RAB6B: variants seen among roughly 807,000 people sequenced by gnomAD.
RAB6B encodes the protein RAB6B, member RAS oncogene family.
RAB6B carries 7 observed loss-of-function variants against 31.2 expected under a neutral mutation model. The ratio of observed to expected loss-of-function variants is 0.22; its 90% CI spans 0.13 to 0.42. The LOEUF (loss-of-function observed/expected upper bound fraction) is 0.42. RAB6B is among the 10% of genes least tolerant of loss of function. The pLI is 1.00. For synonymous variants in RAB6B, 105 were observed against 104.9 expected (o/e 1.00, Z -0.01); for missense variants, 149 against 280.6 (o/e 0.53, Z 3.35).
intron 1 of RAB6B, among the ~76,000 whole-genome samples, chr3:133,880,703 G>A (rs576218508): frequency 6.6e-6 from 1 of 152,216 alleles, no homozygotes; most frequent in East Asian, 1.9e-4. Context: ...GCTCGCTGCT[G>A]CTCAACTTTT....
At chr3:133,838,059 A>G (rs1935767036) in intron 6 of RAB6B, 107 bp downstream of exon 6, 9 of 1,189,266 alleles carry the variant, frequency 7.6e-6, no homozygotes, top group South Asian at 1.3e-5. Flanking sequence ...GGCTGCCCCA[A>G]TCCCATCACC....
rs781534214 is a variant in RAB6B at position 133,827,269 on chromosome 3, A to G, written c.*1519T>C. The G allele has an allele frequency of 1.3e-5, 2 of 152,250 alleles. No individual in the cohort carries two copies. Among genetic ancestry groups the G allele is most frequent in the African/African-American group, 2.4e-5 (1 of 41,456 alleles). The allele number at this position is 152,250 out of a possible 1,614,324, so 9.4% of individuals were successfully genotyped here. On this transcript the variant is annotated 3_prime_UTR_variant, in exon 8 of 8. Coordinates refer to ENST00000285208, the MANE Select transcript of RAB6B (RefSeq NM_016577.4). ...CCCCAGATGGTCATTCATCCCATCT[A>G]TGACATGCCCAGCAGCAGCCTGGAG...
chr3:133,860,072 C>T (rs1442045246), intron 2 of RAB6B, among the ~76,000 whole-genome samples: 1 of 152,070 alleles, frequency 6.6e-6, no homozygotes, highest in African/African-American at 2.4e-5. Context: ...TGCGGAGGTG[C>T]CCAAGCTGAG....
At chr3:133,860,916 C>CTAA (rs1936152292) in intron 2 of RAB6B, among the ~76,000 whole-genome samples, 1 of 152,192 alleles carries the variant, frequency 6.6e-6, no homozygotes, top group Non-Finnish European at 1.5e-5. Flanking sequence ...TTTAAGCATG[C>CTAA]TAATACCCGA....
intron 2 of RAB6B, among the ~76,000 whole-genome samples, chr3:133,847,229 C>T (rs1169925003): frequency 6.6e-6 from 1 of 152,212 alleles, no homozygotes; most frequent in Non-Finnish European, 1.5e-5. Context: ...TGTGTCACTG[C>T]TAAGAAAATG....
At chr3:133,860,788 G>T (rs981316230) in intron 2 of RAB6B, among the ~76,000 whole-genome samples, 10 of 152,356 alleles carry the variant, frequency 6.6e-5, no homozygotes, top group African/African-American at 2.4e-4. Flanking sequence ...AGCTCTGGCA[G>T]GCCAGGGACC....
chr3:133,893,370 T>C (rs1414964767), intron 1 of RAB6B, among the ~76,000 whole-genome samples: 1 of 152,208 alleles, frequency 6.6e-6, no homozygotes, highest in East Asian at 1.9e-4. Context: ...CCCTGTTCCC[T>C]GGGGCTCAGA....
At position 133,824,349 on chromosome 3, in the gene RAB6B, A is replaced by AGAT. The variant is rs1194220202; in HGVS notation, c.*4436_*4438dup. 2 of 152,206 alleles carry AGAT rather than the reference A, an allele frequency of 1.3e-5. No homozygotes were observed. Among genetic ancestry groups the AGAT allele is most frequent in the South Asian group, 4.1e-4 (2 of 4,836 alleles). The allele number at this position is 152,206 out of a possible 1,614,324, so 9.4% of individuals were successfully genotyped here. ...CGGCTATGTCTTCTGAGCCCATAAC[A>AGAT]GATGGAATTGCCACCCTCTGTGCTC... On this transcript the variant is annotated 3_prime_UTR_variant, in exon 8 of 8. Coordinates refer to ENST00000285208, the MANE Select transcript of RAB6B (RefSeq NM_016577.4).
At chr3:133,865,251 G>T (rs980134727) in intron 1 of RAB6B, among the ~76,000 whole-genome samples, 1 of 152,224 alleles carries the variant, frequency 6.6e-6, no homozygotes, top group Non-Finnish European at 1.5e-5. Context: ...ATGCCAGGAG[G>T]ATCCCCAGTC....
intron 2 of RAB6B, among the ~76,000 whole-genome samples, chr3:133,857,404 A>C (rs1936096874): frequency 1.3e-5 from 2 of 148,564 alleles, no homozygotes; most frequent in African/African-American, 5.0e-5. Context: ...CTGGGGCTTA[A>C]ACCTAGGCCT....
In RAB6B at chr3:133,834,652, G is replaced by A; in HGVS notation, c.496-11C>T. The A allele has an allele frequency of 1.2e-6, 2 of 1,613,746 alleles. No homozygotes were observed. Among genetic ancestry groups the A allele is most frequent in the African/African-American group, 1.3e-5 (1 of 75,054 alleles). ...CACACGTCGAAAAAGCTGGAAAGAT[G>A]AAGAAATGCAGTGTGAACCCCAACC... On this transcript the variant is annotated splice_polypyrimidine_tract_variant and intron_variant, in intron 6 of 7. Transcript: ENST00000285208.
chr3:133,856,639 C>T (rs572519936), intron 2 of RAB6B, among the ~76,000 whole-genome samples: 5 of 152,312 alleles, frequency 3.3e-5, no homozygotes, highest in African/African-American at 7.2e-5. Flanking sequence ...GCTCCTGATA[C>T]ATTTAATGAG....
chr3:133,866,143 A>G (rs1936233779), intron 1 of RAB6B, among the ~76,000 whole-genome samples: 1 of 152,216 alleles, frequency 6.6e-6, no homozygotes, highest in Non-Finnish European at 1.5e-5. Context: ...GAAATGCTTA[A>G]AAGTGGAAGG....
intron 1 of RAB6B, 46 bp downstream of exon 1, chr3:133,895,351 G>T: frequency 6.3e-7 from 1 of 1,588,644 alleles, no homozygotes. Context: ...ATTGGGCGGC[G>T]GGGGTCGACT....
chr3:133,831,551 TCTCATTTAATGACA>T (rs1449983509), intron 7 of RAB6B, among the ~76,000 whole-genome samples: 6 of 152,190 alleles, frequency 3.9e-5, no homozygotes, highest in African/African-American at 1.4e-4. Flanking sequence ...TCCCAAAGGC[TCTCATTTAATGACA>T]CCTCCTTCCT....
In RAB6B at chr3:133,825,861, A is replaced by G. The variant is rs1935553695; in HGVS notation, c.*2927T>C. 6.6e-6 allele frequency: 1 copy of G among 152,230 alleles called. No individual in the cohort carries two copies. The highest frequency in any genetic ancestry group is 2.4e-5 in the African/African-American group (1 of 41,454). The allele number at this position is 152,230 out of a possible 1,614,324, so 9.4% of individuals were successfully genotyped here. On this transcript the variant is annotated 3_prime_UTR_variant, in exon 8 of 8. Transcript: ENST00000285208. ...TTGCTCAATTGAGAACATTTCCTCAAAGGAATCCTCCAATTTGCCCTCTGC... is the reference window on the plus strand; with the variant it reads ...TTGCTCAATTGAGAACATTTCCTCAGAGGAATCCTCCAATTTGCCCTCTGC...
At chr3:133,846,692 C>T (rs1009726920) in intron 2 of RAB6B, among the ~76,000 whole-genome samples, 1 of 152,102 alleles carries the variant, frequency 6.6e-6, no homozygotes, top group East Asian at 1.9e-4. Flanking sequence ...AGCCAGAAAA[C>T]AGAACAACAC....
At chr3:133,866,244 T>C (rs1276463108) in intron 1 of RAB6B, among the ~76,000 whole-genome samples, 1 of 152,186 alleles carries the variant, frequency 6.6e-6, no homozygotes, top group Admixed American at 6.5e-5. Flanking sequence ...CCCTCAACTC[T>C]GGGCGGCACT....
intron 2 of RAB6B, among the ~76,000 whole-genome samples, chr3:133,858,976 T>G (rs747082476): frequency 2.0e-5 from 3 of 152,142 alleles, no homozygotes; most frequent in South Asian, 2.1e-4. Flanking sequence ...ATGTATGTAT[T>G]TATTAATTGA....
Sources: allele counts gnomAD v4.1 joint callset (sites outside exome capture counted in the v4.1 genomes callset), GRCh38; gene constraint gnomAD v4.1.1; transcripts MANE v1.5; gene names NCBI Gene and HGNC (gene_info 2026-07-23, HGNC 2026-07-21).